The following AOPEP variants were observed in gnomAD, a reference collection of about 807,000 sequenced individuals.
AOPEP encodes aminopeptidase O.
Under a neutral mutation model 98.1 loss-of-function variants are expected in AOPEP, and 77 were observed. The ratio of observed to expected loss-of-function variants is 0.78; its 90% confidence interval spans 0.65 to 0.95. The LOEUF (loss-of-function observed/expected upper bound fraction) is 0.95, where lower values mean the gene tolerates loss of function less well. Among genes scored for constraint, AOPEP ranks in the 40% least tolerant of loss-of-function variants. The pLI is 0.00. For missense variants in AOPEP, 1,024 were observed against 1,024.7 expected (o/e 1.00, Z 0.01); for synonymous variants, 346 against 365.3 (o/e 0.95, Z 0.60).
the AOPEP span, among the ~76,000 whole-genome samples, chr9:95,120,658 A>C: frequency 5.9e-5 from 9 of 151,936 alleles, no homozygotes; most frequent in East Asian, 1.5e-3. Flanking sequence ...CAACTCCTGG[A>C]CTCAAGCAAT....
At chr9:94,802,356 C>A (rs1379257439) in intron 5 of AOPEP, among the ~76,000 whole-genome samples, 3 of 152,144 alleles carry the variant, frequency 2.0e-5, no homozygotes, top group Non-Finnish European at 4.4e-5. Context: ...TGTTTGCTAG[C>A]AGTTCCAAGT....
chr9:94,790,291 C>G (rs550635866), intron 3 of AOPEP, among the ~76,000 whole-genome samples: 2 of 151,996 alleles, frequency 1.3e-5, no homozygotes, highest in African/African-American at 2.4e-5. Context: ...CTCAGCCTCC[C>G]GAGTAGCTGG....
intron 7 of AOPEP, among the ~76,000 whole-genome samples, chr9:94,937,268 T>C (rs536001983): frequency 6.6e-6 from 1 of 152,360 alleles, no homozygotes; most frequent in East Asian, 1.9e-4. Flanking sequence ...TTAGAAATTA[T>C]ATGCCAGGAA....
chr9:94,943,693 C>T (rs1001821912), intron 7 of AOPEP, among the ~76,000 whole-genome samples: 2 of 151,300 alleles, frequency 1.3e-5, no homozygotes, highest in African/African-American at 4.9e-5. Context: ...CTGAGGCGGG[C>T]AGATCACTTG....
the AOPEP span, among the ~76,000 whole-genome samples, chr9:95,130,914 G>A: frequency 6.6e-6 from 1 of 152,134 alleles, no homozygotes; most frequent in East Asian, 1.9e-4. Context: ...TTATAAATAT[G>A]TATTTTTTAT....
At chr9:94,931,946 G>A in intron 7 of AOPEP, 1 of 1,142,198 alleles carries the variant, frequency 8.8e-7, no homozygotes, top group Non-Finnish European at 1.2e-6. Flanking sequence ...GGCTCAGAAA[G>A]ACTGAGTAAT....
intron 13 of AOPEP, among the ~76,000 whole-genome samples, chr9:95,033,134 G>C (rs1244972240): frequency 6.6e-6 from 1 of 152,160 alleles, no homozygotes; most frequent in Non-Finnish European, 1.5e-5. Flanking sequence ...GTTAATCTCG[G>C]AGACGGTTCC....
intron 11 of AOPEP, among the ~76,000 whole-genome samples, chr9:94,982,936 A>C (rs902737709): frequency 1.3e-5 from 2 of 152,222 alleles, no homozygotes; most frequent in Admixed American, 6.5e-5. Flanking sequence ...AGAAATAAAT[A>C]CACTAGAAAT....
At chr9:95,096,382 CCT>C in the AOPEP span, among the ~76,000 whole-genome samples, 1 of 152,050 alleles carries the variant, frequency 6.6e-6, no homozygotes. Flanking sequence ...CAGAACTCGC[CCT>C]GAGTCCCTGG....
chr9:94,762,064 G>A (rs1164929183), intron 2 of AOPEP, among the ~76,000 whole-genome samples: 1 of 152,226 alleles, frequency 6.6e-6, no homozygotes, highest in Non-Finnish European at 1.5e-5. Context: ...TTTCTCCTGA[G>A]TGCTTACTGC....
intron 16 of AOPEP, chr9:95,085,309 C>T (rs1587981519): frequency 2.1e-6 from 1 of 482,232 alleles, no homozygotes; most frequent in Non-Finnish European, 4.3e-6. Flanking sequence ...CTTGGCTGCT[C>T]CTCCAGAAAC....
intron 5 of AOPEP, among the ~76,000 whole-genome samples, chr9:94,839,068 A>G (rs1588478100): frequency 1.4e-5 from 2 of 140,006 alleles, no homozygotes; most frequent in African/African-American, 5.4e-5. Flanking sequence ...GCGCCACCAC[A>G]CCCACCTAAT....
At chr9:94,945,887 A>G (rs1359458206) in intron 7 of AOPEP, among the ~76,000 whole-genome samples, 1 of 151,726 alleles carries the variant, frequency 6.6e-6, no homozygotes, top group African/African-American at 2.4e-5. Context: ...GCTTCCAGTA[A>G]TTTTCAGGTT....
chr9:95,086,730 A>T lies in AOPEP; in HGVS notation c.*53A>T. The T allele has an allele frequency of 1.0e-6, 1 of 988,134 alleles. No homozygotes were observed. The highest frequency in any genetic ancestry group is 1.2e-6 in the Non-Finnish European group (1 of 830,374). The allele number at this position is 988,134 out of a possible 1,614,324, so 61.2% of individuals were successfully genotyped here. ...CATTCGTCTCCTCCTAGCCTGGGGG[A>T]CCAGGCTCGAACTGACCCTGGACAT... On this transcript the variant is annotated 3_prime_UTR_variant, in exon 17 of 17. Transcript: ENST00000375315.
chr9:95,071,305 CAA>C (rs2068483860), intron 14 of AOPEP, among the ~76,000 whole-genome samples: 1 of 130,294 alleles, frequency 7.7e-6, no homozygotes, highest in African/African-American at 2.9e-5. Flanking sequence ...CACACACACA[CAA>C]AAAAATGCTC....
At chr9:95,006,654 C>G (rs2062046009) in intron 13 of AOPEP, among the ~76,000 whole-genome samples, 1 of 152,056 alleles carries the variant, frequency 6.6e-6, no homozygotes, top group Non-Finnish European at 1.5e-5. Context: ...AGGGGGACCC[C>G]ACCCCTTTTC....
chr9:94,808,770 AAGG>A (rs1270889358), intron 5 of AOPEP, among the ~76,000 whole-genome samples: 1 of 152,246 alleles, frequency 6.6e-6, no homozygotes, highest in Non-Finnish European at 1.5e-5. Context: ...TGGGGTAGGC[AAGG>A]AGGAGGAGGT....
intron 5 of AOPEP, among the ~76,000 whole-genome samples, chr9:94,918,289 G>A (rs1447816178): frequency 6.6e-6 from 1 of 152,124 alleles, no homozygotes; most frequent in East Asian, 1.9e-4. Context: ...GCCCCCCTAT[G>A]GCCTCTGTAC....
At chr9:95,057,006 A>T (rs1399016358) in intron 13 of AOPEP, among the ~76,000 whole-genome samples, 3 of 152,178 alleles carry the variant, frequency 2.0e-5, no homozygotes. Flanking sequence ...GTATGGAAAA[A>T]ATAACCCCAT....
Sources: gnomAD v4.1 joint callset for allele counts (sites outside exome capture counted in the v4.1 genomes callset) on GRCh38, gnomAD v4.1.1 for gene constraint, MANE v1.5 for transcripts, NCBI Gene and HGNC (gene_info 2026-07-23, HGNC 2026-07-21) for gene names.